The following ATRNL1 variants were observed in gnomAD, a reference collection of about 807,000 sequenced individuals.
The protein encoded by ATRNL1 is attractin-like protein 1.
A neutral mutation model predicts 182.7 loss-of-function variants in ATRNL1; 95 were observed. That is an observed-to-expected ratio of 0.52 (90% CI 0.44 to 0.62). ATRNL1 has a LOEUF of 0.62. Among genes scored for constraint, ATRNL1 ranks in the 20% least tolerant of loss-of-function variants. The pLI is 0.00. For synonymous variants in ATRNL1, 576 were observed against 568.3 expected (o/e 1.01, Z -0.19); for missense variants, 1,471 against 1,679.5 (o/e 0.88, Z 2.17).
rs1172850528 is a variant in ATRNL1 at position 115,534,430 on chromosome 10, T to C, written c.3717-15028T>C. Among the ~76,000 whole-genome samples, 4 of 152,268 alleles carry C rather than the reference T, an allele frequency of 2.6e-5. No homozygotes were observed. In the East Asian group the frequency reaches 7.7e-4, roughly 29 times the overall value. ...TATCAGAGACTAGGATTGCAACCCC[T>C]GCCTTTTTTTGTTTTCCATTTGCTT... is the stretch of plus-strand genomic sequence containing the variant. On this transcript the variant is annotated intron_variant, in intron 25 of 28. Transcript: ENST00000355044.
chr10:115,495,223 T>C (rs1000550576), intron 24 of ATRNL1, among the ~76,000 whole-genome samples: 3 of 152,176 alleles, frequency 2.0e-5, no homozygotes, highest in African/African-American at 4.8e-5. Flanking sequence ...CTTTTTTCTT[T>C]AGTAGTATAG....
intron 27 of ATRNL1, among the ~76,000 whole-genome samples, chr10:115,841,320 C>G (rs1950803300): frequency 6.6e-6 from 1 of 152,076 alleles, no homozygotes; most frequent in African/African-American, 2.4e-5. Flanking sequence ...ATTAAAATAA[C>G]TACAAAACTC....
At chr10:115,210,668 C>T (rs1456081249) in intron 8 of ATRNL1, among the ~76,000 whole-genome samples, 1 of 151,720 alleles carries the variant, frequency 6.6e-6, no homozygotes, top group Admixed American at 6.6e-5. Context: ...TCTTTACTTG[C>T]TTCCTGTGGG....
At chr10:115,176,177 T>C (rs1847498926) in intron 8 of ATRNL1, among the ~76,000 whole-genome samples, 1 of 152,214 alleles carries the variant, frequency 6.6e-6, no homozygotes, top group Admixed American at 6.5e-5. Context: ...TGTAAATTTG[T>C]TTGAGTTCTT....
intron 14 of ATRNL1, among the ~76,000 whole-genome samples, chr10:115,282,233 A>G (rs535922301): frequency 0.021 from 3,055 of 147,414 alleles, 52 homozygotes; most frequent in Middle Eastern, 0.046. Flanking sequence ...ATTTTATAAT[A>G]AATACATTTC....
rs567442256 is a variant in ATRNL1 at position 115,798,671 on chromosome 10, T to C, written c.3904-49206T>C. 5.9e-5 allele frequency among the ~76,000 whole-genome samples: 9 copies of C among 152,344 alleles called. No individual in the cohort carries two copies. In the East Asian group the frequency reaches 1.7e-3, roughly 29 times the overall value. On this transcript the variant is annotated intron_variant, in intron 27 of 28. Coordinates refer to ENST00000355044, the MANE Select transcript of ATRNL1 (RefSeq NM_207303.4). ...TTGTTCAGTCTCAGAACTTGAGGGC[T>C]AACTTTTCATTCCAATTTCAACTCC...
At chr10:115,698,968 A>G (rs117239254) in intron 26 of ATRNL1, among the ~76,000 whole-genome samples, 3,175 of 152,316 alleles carry the variant, frequency 0.021, 46 homozygotes, top group Non-Finnish European at 0.033. Flanking sequence ...ATACACCAGC[A>G]ACAAATAGTA....
intron 26 of ATRNL1, among the ~76,000 whole-genome samples, chr10:115,685,843 A>G (rs1218463827): frequency 1.3e-5 from 2 of 151,750 alleles, no homozygotes; most frequent in Admixed American, 1.3e-4. Flanking sequence ...ATGTAATTTA[A>G]TTATCAAAAT....
chr10:115,352,070 C>G (rs939683834), intron 19 of ATRNL1, among the ~76,000 whole-genome samples: 1 of 151,964 alleles, frequency 6.6e-6, no homozygotes, highest in African/African-American at 2.4e-5. Flanking sequence ...GGAATTTATA[C>G]TTGTCTCCCA....
At chr10:115,176,578 A>G (rs539381643) in intron 8 of ATRNL1, among the ~76,000 whole-genome samples, 1 of 152,226 alleles carries the variant, frequency 6.6e-6, no homozygotes, top group African/African-American at 2.4e-5. Context: ...AGTGTGAGAT[A>G]AAAGAGAGGA....
At chr10:115,705,117 T>C (rs1489669083) in intron 26 of ATRNL1, among the ~76,000 whole-genome samples, 3 of 151,958 alleles carry the variant, frequency 2.0e-5, no homozygotes, top group Admixed American at 2.0e-4. Context: ...CGAAATCTGA[T>C]CTGTACTCAG....
chr10:115,103,841 G>T (rs1177167739), intron 1 of ATRNL1, among the ~76,000 whole-genome samples: 1 of 152,184 alleles, frequency 6.6e-6, no homozygotes, highest in Non-Finnish European at 1.5e-5. Flanking sequence ...ATGACGTCCA[G>T]TTCCATCCAT....
intron 10 of ATRNL1, among the ~76,000 whole-genome samples, chr10:115,242,135 A>G (rs950324280): frequency 2.6e-5 from 4 of 152,024 alleles, no homozygotes; most frequent in African/African-American, 9.6e-5. Context: ...AAGCAAAAAT[A>G]TATTAAACAT....
At position 115,287,922 on chromosome 10, in the gene ATRNL1, CTGT is replaced by C. The variant is rs782202638; in HGVS notation, c.2415+1527_2415+1529del. Among the ~76,000 whole-genome samples, 1,045 of 128,488 alleles carry C rather than the reference CTGT, an allele frequency of 8.1e-3. 7 individuals carry two copies. The highest frequency in any genetic ancestry group is 0.019 in the South Asian group (72 of 3,834). 84.3% of individuals were successfully genotyped at this position (128,488 alleles called of 152,430 possible). A position where few individuals can be genotyped will look rare whatever the true frequency, so the allele number is the denominator to read the frequency against. On this transcript the variant is annotated intron_variant, in intron 15 of 28. Transcript: ENST00000355044. ...CTACATTTTACTTCTATAAGATCAA[CTGT>C]TTTTTTTTTTTTTTTTTTTTTTAGC...
intron 19 of ATRNL1, among the ~76,000 whole-genome samples, chr10:115,391,065 T>G (rs1196193127): frequency 2.0e-5 from 3 of 152,198 alleles, no homozygotes; most frequent in Non-Finnish European, 4.4e-5. Context: ...TAGGGTTTTC[T>G]GTAGACAAGA....
At chr10:115,902,298 T>C (rs567385269) in intron 28 of ATRNL1, among the ~76,000 whole-genome samples, 1 of 152,274 alleles carries the variant, frequency 6.6e-6, no homozygotes, top group South Asian at 2.1e-4. Flanking sequence ...TTGATGTACT[T>C]TTTTATGTGT....
chr10:115,879,002 T>G (rs1555107877), intron 28 of ATRNL1, among the ~76,000 whole-genome samples: 1 of 152,160 alleles, frequency 6.6e-6, no homozygotes, highest in African/African-American at 2.4e-5. Context: ...ATGTTGCATA[T>G]TCTATGCCAG....
At chr10:115,559,450 G>GTGCA (rs1554998462) in intron 26 of ATRNL1, among the ~76,000 whole-genome samples, 2 of 128,562 alleles carry the variant, frequency 1.6e-5, no homozygotes, top group Non-Finnish European at 3.3e-5. Context: ...GTGTGCGCGC[G>GTGCA]CGCACGCACG....
chr10:115,663,141 C>A (rs74158217), intron 26 of ATRNL1, among the ~76,000 whole-genome samples: 1,768 of 152,086 alleles, frequency 0.012, 35 homozygotes, highest in African/African-American at 0.04. Context: ...GCTCAATATA[C>A]ATTATATTAT....
Sources: allele counts gnomAD v4.1 joint callset (sites outside exome capture counted in the v4.1 genomes callset), GRCh38; gene constraint gnomAD v4.1.1; transcripts MANE v1.5; gene names NCBI Gene and HGNC (gene_info 2026-07-23, HGNC 2026-07-21).